The following CCDC93 variants were observed in gnomAD, a reference collection of about 807,000 sequenced individuals.
The protein encoded by CCDC93 is coiled-coil domain-containing protein 93.
A neutral mutation model predicts 108.2 loss-of-function variants in CCDC93; 61 were observed. The ratio of observed to expected loss-of-function variants is 0.56; its 90% CI spans 0.46 to 0.70. CCDC93 has a LOEUF of 0.70. Ranked by LOEUF, CCDC93 falls within the 30% of genes least tolerant of loss-of-function variation. The probability of loss-of-function intolerance (pLI) is 0.00; values close to 1 mark genes in which losing one functional copy is unlikely to be tolerated. For missense variants in CCDC93, 685 were observed against 764.2 expected (o/e 0.90, Z 1.22); for synonymous variants, 276 against 260.4 (o/e 1.06, Z -0.58).
intron 1 of CCDC93, among the ~76,000 whole-genome samples, chr2:118,009,886 A>T (rs1178723263): frequency 6.6e-6 from 1 of 152,004 alleles, no homozygotes; most frequent in Non-Finnish European, 1.5e-5. Context: ...CATCTAATAT[A>T]TGTATATCAG....
chr2:117,932,263 T>C (rs1678363083), intron 22 of CCDC93, among the ~76,000 whole-genome samples: 1 of 152,192 alleles, frequency 6.6e-6, no homozygotes, highest in African/African-American at 2.4e-5. Context: ...AATCAAATTC[T>C]GAGAGATGCT....
chr2:117,967,439 C>T (rs896161967), intron 11 of CCDC93, among the ~76,000 whole-genome samples: 3 of 152,224 alleles, frequency 2.0e-5, no homozygotes, highest in African/African-American at 7.2e-5. Flanking sequence ...GGCTGAGCTG[C>T]ACCATTTTCA....
chr2:117,997,192 CCA>C (rs1416958390), intron 4 of CCDC93: 2 of 152,192 alleles, frequency 1.3e-5, no homozygotes, highest in Non-Finnish European at 2.9e-5. Flanking sequence ...ACTGAAAACT[CCA>C]GTTATTATCA....
chr2:117,999,305 G>A (rs1306171283), intron 4 of CCDC93: 2 of 152,120 alleles, frequency 1.3e-5, no homozygotes, highest in African/African-American at 4.8e-5. Context: ...ATGAATGGTG[G>A]AGTGGAAAAA....
intron 11 of CCDC93, among the ~76,000 whole-genome samples, chr2:117,973,324 A>T (rs1436301713): frequency 1.3e-5 from 2 of 151,820 alleles, no homozygotes; most frequent in Admixed American, 6.6e-5. Context: ...CTGATACCAC[A>T]TCTCAGCCAC....
Position 117,974,912 on chromosome 2 carries a change from AT to A in CCDC93, c.751-13del, listed in dbSNP as rs769482650. On this transcript the variant is annotated splice_polypyrimidine_tract_variant and intron_variant, in intron 9 of 23. Coordinates refer to ENST00000376300, the MANE Select transcript of CCDC93 (RefSeq NM_019044.5). Reference sequence around the variant, plus strand: ...GACTGAATACGCTGCTGAAAGAGGAATGGAAGGGAGCAGCAGTGAGTGGTTC... The same window carrying A: ...GACTGAATACGCTGCTGAAAGAGGAAGGAAGGGAGCAGCAGTGAGTGGTTC... 2 of 1,542,512 alleles carry A rather than the reference AT, an allele frequency of 1.3e-6. No individual in the cohort carries two copies. The highest frequency in any genetic ancestry group is 1.4e-5 in the African/African-American group (1 of 73,246).
intron 12 of CCDC93, among the ~76,000 whole-genome samples, chr2:117,955,915 T>C (rs950047333): frequency 3.3e-5 from 5 of 152,228 alleles, no homozygotes; most frequent in South Asian, 2.1e-4. Flanking sequence ...CAGACACAAA[T>C]AGTAGCTTGC....
At chr2:117,967,837 CAGAT>C in intron 11 of CCDC93, among the ~76,000 whole-genome samples, 1 of 152,272 alleles carries the variant, frequency 6.6e-6, no homozygotes, top group East Asian at 1.9e-4. Flanking sequence ...GCCACATAAA[CAGAT>C]AGTTTCAACT....
At chr2:117,955,764 T>C (rs1679198091) in intron 12 of CCDC93, among the ~76,000 whole-genome samples, 1 of 152,054 alleles carries the variant, frequency 6.6e-6, no homozygotes, top group African/African-American at 2.4e-5. Flanking sequence ...TTATTAGCAA[T>C]TACTATTACT....
chr2:117,932,269 A>G (rs542937767), intron 22 of CCDC93, among the ~76,000 whole-genome samples: 14 of 152,286 alleles, frequency 9.2e-5, no homozygotes, highest in Admixed American at 8.5e-4. Flanking sequence ...ATTCTGAGAG[A>G]TGCTTTGCTG....
At chr2:117,952,202 G>A (rs968789662) in intron 13 of CCDC93, among the ~76,000 whole-genome samples, 171 bp downstream of exon 13, 1 of 151,528 alleles carries the variant, frequency 6.6e-6, no homozygotes, top group African/African-American at 2.4e-5. Context: ...TGATGACATG[G>A]GTCACGCACT....
chr2:117,936,870 A>G (rs1678544011), intron 20 of CCDC93, 131 bp from the exon 21 acceptor site: 1 of 733,576 alleles, frequency 1.4e-6, no homozygotes. Flanking sequence ...TATGAAGATT[A>G]AAGTAACATA....
chr2:117,935,559 G>A lies in CCDC93; in HGVS notation c.1664C>T (p.Ala555Val). ...CATCTGACGTAAAAACTGGTCCCGG[G>A]CAGCAGGGGAGGCCATGGCCCTGAA... ...NFSQAMASPA[A>V]RDQFLRQMEQ... Residue 555 changes from alanine to valine, a missense_variant, in exon 22 of 24, where the codon GCC (alanine) becomes GTC (valine). Transcript: ENST00000376300. The A allele has an allele frequency of 6.2e-7, 1 of 1,613,892 alleles. No homozygotes were observed. The highest frequency in any genetic ancestry group is 1.1e-5 in the South Asian group (1 of 91,054).
intron 6 of CCDC93, 75 bp from the exon 7 acceptor site, chr2:117,986,144 C>CAG: frequency 2.8e-6 from 2 of 709,652 alleles, no homozygotes; most frequent in Non-Finnish European, 2.5e-6. Context: ...ATGCCTCCAG[C>CAG]CATGGGGTAT....
intron 11 of CCDC93, among the ~76,000 whole-genome samples, chr2:117,967,559 GGAA>G (rs1679628101): frequency 6.6e-6 from 1 of 152,206 alleles, no homozygotes; most frequent in African/African-American, 2.4e-5. Flanking sequence ...AGCCAAGCCT[GGAA>G]GGCAGACACT....
At chr2:117,964,849 C>A (rs183876772) in intron 11 of CCDC93, among the ~76,000 whole-genome samples, 1 of 152,176 alleles carries the variant, frequency 6.6e-6, no homozygotes, top group African/African-American at 2.4e-5. Flanking sequence ...GCGATCCTCT[C>A]GCCTCAGGCT....
chr2:117,971,386 T>A (rs1436936488), intron 11 of CCDC93, among the ~76,000 whole-genome samples: 1 of 150,578 alleles, frequency 6.6e-6, no homozygotes, highest in African/African-American at 2.5e-5. Flanking sequence ...CAGCCACCCA[T>A]ACACACAAAC....
At chr2:117,975,017 T>C (rs1264620226) in intron 9 of CCDC93, 117 bp from the exon 10 acceptor site, 6 of 1,065,276 alleles carry the variant, frequency 5.6e-6, no homozygotes, top group African/African-American at 1.6e-5. Context: ...GATCTCGTCT[T>C]ATGTGAGCCT....
chr2:118,000,053 G>A (rs947411729), intron 4 of CCDC93: 9 of 152,290 alleles, frequency 5.9e-5, no homozygotes, highest in South Asian at 4.1e-4. Context: ...TTAGCCATAC[G>A]GACTGAATAT....
Sources: gnomAD v4.1 joint callset for allele counts (sites outside exome capture counted in the v4.1 genomes callset) on GRCh38, gnomAD v4.1.1 for gene constraint, MANE v1.5 for transcripts, NCBI Gene and HGNC (gene_info 2026-07-23, HGNC 2026-07-21) for gene names.